KDM1B: variants seen among roughly 807,000 people sequenced by gnomAD.
The protein encoded by KDM1B is lysine demethylase 1B.
KDM1B carries 63 observed loss-of-function variants against 107.4 expected under a neutral mutation model. The ratio of observed to expected loss-of-function variants is 0.59; its 90% confidence interval spans 0.48 to 0.72. The LOEUF (loss-of-function observed/expected upper bound fraction) is 0.72, where lower values mean the gene tolerates loss of function less well. Ranked by LOEUF, KDM1B falls within the 30% of genes least tolerant of loss-of-function variation. The pLI is 0.00. For synonymous variants in KDM1B, 363 were observed against 363.9 expected (o/e 1.00, Z 0.03); for missense variants, 749 against 1,020.8 (o/e 0.73, Z 3.63).
At chr6:18,158,784 A>G (rs1450317270) in intron 2 of KDM1B, among the ~76,000 whole-genome samples, 2 of 152,124 alleles carry the variant, frequency 1.3e-5, no homozygotes, top group African/African-American at 4.8e-5. Flanking sequence ...GCTACACATT[A>G]TTTCTCTTGT....
At chr6:18,202,399 C>CAA (rs144243804) in intron 14 of KDM1B, among the ~76,000 whole-genome samples, 78 of 145,638 alleles carry the variant, frequency 5.4e-4, no homozygotes, top group African/African-American at 1.6e-3. Context: ...GACCCTATTT[C>CAA]AAAAAAAAAA....
At chr6:18,195,360 T>C (rs1787573245) in intron 10 of KDM1B, among the ~76,000 whole-genome samples, 1 of 152,220 alleles carries the variant, frequency 6.6e-6, no homozygotes, top group Admixed American at 6.5e-5. Flanking sequence ...TTTCAAACAT[T>C]AATTGGTTTG....
At chr6:18,220,841 G>C (rs1789652460) in intron 21 of KDM1B, among the ~76,000 whole-genome samples, 3 of 149,734 alleles carry the variant, frequency 2.0e-5, no homozygotes, top group Admixed American at 2.0e-4. Flanking sequence ...GCGCGATCTT[G>C]GCTCACTGCA....
In KDM1B at chr6:18,204,820, C is replaced by T. The variant is rs1788266266; in HGVS notation, c.1532-717C>T. On this transcript the variant is annotated intron_variant, in intron 14 of 21. Coordinates refer to ENST00000650836, the MANE Select transcript of KDM1B (RefSeq NM_001364614.2). The surrounding 1 kb of genome is among the most constrained non-coding windows in gnomAD (Gnocchi z 4.9). The stretch of plus-strand genomic sequence containing the variant: ...GGGATTGGGTGGGAGAAGGCATTCC[C>T]ATGAGGGAGAGTGGGAGGTCGCAGA... Among the ~76,000 whole-genome samples the T allele has an allele frequency of 6.6e-6, 1 of 152,164 alleles. No individual in the cohort carries two copies. The highest frequency in any genetic ancestry group is 2.1e-4 in the South Asian group (1 of 4,826).
intron 10 of KDM1B, among the ~76,000 whole-genome samples, chr6:18,192,817 A>C (rs1355245994): frequency 3.3e-5 from 5 of 150,680 alleles, no homozygotes; most frequent in Non-Finnish European, 7.4e-5. Flanking sequence ...TTGACTTTGA[A>C]ATTTGACTTA....
chr6:18,188,503 T>G (rs1787039227), intron 9 of KDM1B, among the ~76,000 whole-genome samples: 2 of 152,236 alleles, frequency 1.3e-5, no homozygotes, highest in South Asian at 4.1e-4. Flanking sequence ...GCAGTCCTTT[T>G]TCTTCTGAGT....
intron 17 of KDM1B, among the ~76,000 whole-genome samples, chr6:18,208,621 A>G (rs1488521506): frequency 2.4e-4 from 9 of 37,860 alleles, no homozygotes; most frequent in Non-Finnish European, 3.4e-4. Context: ...ATATATATAT[A>G]TATATATTTT....
chr6:18,208,346 CT>C, intron 17 of KDM1B, 140 bp downstream of exon 17: 1 of 620,938 alleles, frequency 1.6e-6, no homozygotes, highest in East Asian at 2.7e-5. Flanking sequence ...AGTTATGTAT[CT>C]CTACTTAATT....
At position 18,213,141 on chromosome 6, in the gene KDM1B, A is replaced by C. The variant is rs1487499410; in HGVS notation, c.1984-515A>C. Reference sequence around the variant, plus strand: ...ATGGGAATGGAACTGAGTGGCATCAAAAGCAAGGAGCTGGGCTGGGCACAG... The same window carrying C: ...ATGGGAATGGAACTGAGTGGCATCACAAGCAAGGAGCTGGGCTGGGCACAG... On this transcript the variant is annotated intron_variant, in intron 18 of 21. Transcript: ENST00000650836. The surrounding 1 kb of genome is among the most constrained non-coding windows in gnomAD (Gnocchi z 5.9). 6.6e-6 allele frequency among the ~76,000 whole-genome samples: 1 copy of C among 152,156 alleles called. No homozygotes were observed. The highest frequency in any genetic ancestry group is 1.9e-4 in the East Asian group (1 of 5,188).
intron 7 of KDM1B, among the ~76,000 whole-genome samples, chr6:18,176,065 T>G (rs1478968677): frequency 4.6e-5 from 7 of 152,202 alleles, no homozygotes; most frequent in Admixed American, 4.6e-4. Context: ...AATATGGTCA[T>G]TTTCACAACA....
chr6:18,161,570 A>T, intron 4 of KDM1B, 116 bp downstream of exon 4: 1 of 1,096,432 alleles, frequency 9.1e-7, no homozygotes, highest in Non-Finnish European at 1.3e-6. Context: ...TAAGTCATCT[A>T]ATCTAATAAT....
At chr6:18,164,134 AT>A (rs1025811093) in intron 5 of KDM1B, among the ~76,000 whole-genome samples, 2 of 151,626 alleles carry the variant, frequency 1.3e-5, no homozygotes, top group Non-Finnish European at 2.9e-5. Flanking sequence ...TACCTCATGT[AT>A]TTTTTTTCTT....
intron 9 of KDM1B, 29 bp downstream of exon 9, chr6:18,188,031 T>C: frequency 6.5e-7 from 1 of 1,533,388 alleles, no homozygotes; most frequent in Non-Finnish European, 8.8e-7. Context: ...ACTCCCTGCT[T>C]TCTATTCCCC....
At position 18,199,986 on chromosome 6, in the gene KDM1B, C is replaced by G. The variant is rs187840341; in HGVS notation, c.1222-453C>G. Among the ~76,000 whole-genome samples the G allele has an allele frequency of 3.3e-4, 51 of 152,268 alleles. No individual in the cohort carries two copies. In the East Asian group the frequency reaches 9.3e-3, roughly 28 times the overall value. On this transcript the variant is annotated intron_variant, in intron 12 of 21. Coordinates refer to ENST00000650836, the MANE Select transcript of KDM1B (RefSeq NM_001364614.2). The stretch of plus-strand genomic sequence containing the variant: ...CTCCACCTCCAGGGTTCAGGTGATT[C>G]TCGTGCCTCAGCCACCTGAATAGCT...
Position 18,222,129 on chromosome 6 carries a change from T to G in KDM1B, c.*137T>G. 2 of 800,192 alleles carry G rather than the reference T, an allele frequency of 2.5e-6. No individual in the cohort carries two copies. The highest frequency in any genetic ancestry group is 4.4e-6 in the Non-Finnish European group (2 of 458,964). 49.6% of individuals were successfully genotyped at this position (800,192 alleles called of 1,614,324 possible). On this transcript the variant is annotated 3_prime_UTR_variant, in exon 22 of 22. Coordinates refer to ENST00000650836, the MANE Select transcript of KDM1B (RefSeq NM_001364614.2). Reference sequence around the variant, plus strand: ...AAATGTTTCTAAGGCGATATGATAATGCAAACCTATTTCATCACTCTAAAA... The same window carrying G: ...AAATGTTTCTAAGGCGATATGATAAGGCAAACCTATTTCATCACTCTAAAA...
intron 9 of KDM1B, among the ~76,000 whole-genome samples, chr6:18,190,049 G>A (rs537114035): frequency 2.0e-5 from 3 of 151,836 alleles, no homozygotes; most frequent in African/African-American, 7.3e-5. Context: ...ACTGGGGAGG[G>A]TGAGGAAGGA....
rs1004593798 is a variant in KDM1B at position 18,171,489 on chromosome 6, C to G, written c.534+10C>G. On this transcript the variant is annotated intron_variant, in intron 7 of 21. Transcript: ENST00000650836. ...AAATACTGCTATTAAGGTATGTTCT[C>G]TTTTTGCTTTTGAGTTAATTGATAT... 3 of 1,426,554 alleles carry G rather than the reference C, an allele frequency of 2.1e-6. No individual in the cohort carries two copies. Among genetic ancestry groups the G allele is most frequent in the Non-Finnish European group, 3.0e-6 (3 of 1,008,748 alleles). The allele number at this position is 1,426,554 out of a possible 1,614,324, so 88.4% of individuals were successfully genotyped here.
Position 18,197,775 on chromosome 6 carries a change from T to C in KDM1B, c.1221+114T>C. Reference sequence around the variant, plus strand: ...TTAGTGAAGAATACTAAATACATTATATGTTTATATTAGGTCCTAGAAAAG... The same window carrying C: ...TTAGTGAAGAATACTAAATACATTACATGTTTATATTAGGTCCTAGAAAAG... On this transcript the variant is annotated intron_variant, in intron 12 of 21. Transcript: ENST00000650836. This position sits in a 1 kb window ranked among gnomAD's most constrained non-coding sequence, Gnocchi z 4.5. The C allele has an allele frequency of 1.5e-6, 1 of 657,926 alleles. No individual in the cohort carries two copies. 40.8% of individuals were successfully genotyped at this position (657,926 alleles called of 1,614,324 possible). A position where few individuals can be genotyped will look rare whatever the true frequency, so the allele number is the denominator to read the frequency against.
rs1449930190 is a variant in KDM1B, at chr6:18,201,664, G to A, written c.1531+7G>A. On this transcript the variant is annotated splice_region_variant and intron_variant, in intron 14 of 21. Coordinates refer to ENST00000650836, the MANE Select transcript of KDM1B (RefSeq NM_001364614.2). This position sits in a 1 kb window ranked among gnomAD's most constrained non-coding sequence, Gnocchi z 4.3. ...CAAGATGTCCCTTTAGGAGGTATGGGGAGAACGGTGTTCTGATTGTTCCAT... is the reference window on the plus strand; with the variant it reads ...CAAGATGTCCCTTTAGGAGGTATGGAGAGAACGGTGTTCTGATTGTTCCAT... The A allele has an allele frequency of 6.5e-7, 1 of 1,541,956 alleles. No individual in the cohort carries two copies. The highest frequency in any genetic ancestry group is 2.1e-5 in the Admixed American group (1 of 48,720).
Sources: allele counts gnomAD v4.1 joint callset (sites outside exome capture counted in the v4.1 genomes callset), GRCh38; gene constraint gnomAD v4.1.1; non-coding constraint Gnocchi (gnomAD v3.1); transcripts MANE v1.5; gene names NCBI Gene and HGNC (gene_info 2026-07-23, HGNC 2026-07-21).